Variants in PTPRT observed in about 807,000 individuals in gnomAD.
PTPRT encodes the protein protein tyrosine phosphatase receptor type T.
Under a neutral mutation model 176.8 loss-of-function variants are expected in PTPRT, and 56 were observed. The ratio of observed to expected loss-of-function variants is 0.32; its 90% confidence interval spans 0.26 to 0.40. PTPRT has a LOEUF of 0.40. Ranked by LOEUF, PTPRT falls within the 10% of genes least tolerant of loss-of-function variation. PTPRT has a pLI of 1.00. For missense variants in PTPRT, 1,540 were observed against 1,908.2 expected (o/e 0.81, Z 3.60); for synonymous variants, 783 against 739.0 (o/e 1.06, Z -0.96).
chr20:42,744,307 C>T (rs1044258986), intron 6 of PTPRT, among the ~76,000 whole-genome samples: 10 of 152,278 alleles, frequency 6.6e-5, no homozygotes, highest in African/African-American at 2.4e-5. Context: ...ACAATTTTTG[C>T]CCTCATGTAT....
chr20:42,189,024 C>T (rs1398175416), intron 16 of PTPRT, among the ~76,000 whole-genome samples: 4 of 152,194 alleles, frequency 2.6e-5, no homozygotes, highest in African/African-American at 4.8e-5. Flanking sequence ...ACACTGGGAT[C>T]ACTCCAATTC....
intron 2 of PTPRT, among the ~76,000 whole-genome samples, chr20:42,834,741 A>T (rs1190992018): frequency 1.3e-5 from 2 of 152,094 alleles, no homozygotes; most frequent in Non-Finnish European, 2.9e-5. Flanking sequence ...GGAGGGCTGA[A>T]TCTCTTCTGT....
intron 13 of PTPRT, among the ~76,000 whole-genome samples, chr20:42,255,174 A>G (rs535407091): frequency 6.6e-6 from 1 of 152,308 alleles, no homozygotes; most frequent in South Asian, 2.1e-4. Flanking sequence ...AGTCAAAAGC[A>G]TTGGGTTTCA....
chr20:42,503,290 C>T (rs560139308), intron 7 of PTPRT, among the ~76,000 whole-genome samples: 1 of 151,880 alleles, frequency 6.6e-6, no homozygotes, highest in African/African-American at 2.4e-5. Flanking sequence ...TTTGGATATT[C>T]TTCATTACTG....
chr20:42,697,528 A>G (rs947873328), intron 6 of PTPRT, among the ~76,000 whole-genome samples: 1 of 152,258 alleles, frequency 6.6e-6, no homozygotes, highest in Non-Finnish European at 1.5e-5. Flanking sequence ...ATGTTTGCAC[A>G]CATGGAACTC....
chr20:42,474,118 A>G (rs1370034663), intron 7 of PTPRT, among the ~76,000 whole-genome samples: 3 of 152,174 alleles, frequency 2.0e-5, no homozygotes, highest in Non-Finnish European at 4.4e-5. Flanking sequence ...TAGTAATAAT[A>G]TATATGTAAT....
chr20:42,281,559 T>A (rs916466705), intron 13 of PTPRT, among the ~76,000 whole-genome samples: 10 of 152,202 alleles, frequency 6.6e-5, no homozygotes, highest in African/African-American at 2.4e-4. Flanking sequence ...CTGTGTGGTT[T>A]TGTCGTTGTG....
intron 11 of PTPRT, among the ~76,000 whole-genome samples, chr20:42,336,434 G>C (rs1009937289): frequency 1.6e-4 from 24 of 152,122 alleles, no homozygotes; most frequent in African/African-American, 4.8e-4. Context: ...ACTGGGGGAG[G>C]GGGGGTTGTA....
chr20:42,144,414 T>G (rs1242032280), intron 17 of PTPRT, among the ~76,000 whole-genome samples: 2 of 151,846 alleles, frequency 1.3e-5, no homozygotes, highest in African/African-American at 4.8e-5. Flanking sequence ...TGATGTTGAA[T>G]AGGAAGTTGG....
intron 16 of PTPRT, among the ~76,000 whole-genome samples, chr20:42,177,817 TTCTG>T (rs1419077428): frequency 6.6e-6 from 1 of 151,976 alleles, no homozygotes; most frequent in African/African-American, 2.4e-5. Context: ...GTAAAGATCT[TTCTG>T]TCTGTCTGTC....
At chr20:42,414,071 A>G (rs954037816) in intron 9 of PTPRT, among the ~76,000 whole-genome samples, 6 of 152,146 alleles carry the variant, frequency 3.9e-5, no homozygotes, top group Non-Finnish European at 8.8e-5. Context: ...ACCTCAGGTG[A>G]TCAGCCCGCC....
At chr20:42,651,439 T>C (rs1455064073) in intron 7 of PTPRT, among the ~76,000 whole-genome samples, 1 of 152,220 alleles carries the variant, frequency 6.6e-6, no homozygotes, top group East Asian at 1.9e-4. Flanking sequence ...TTCAAATCTA[T>C]GAGCTAGTCA....
chr20:42,864,522 G>T (rs542485783), intron 2 of PTPRT, among the ~76,000 whole-genome samples: 4 of 152,312 alleles, frequency 2.6e-5, no homozygotes, highest in South Asian at 4.1e-4. Flanking sequence ...TTTGTTCTGT[G>T]TGTTCTCAAA....
At chr20:42,093,460 T>C (rs373229750) in intron 27 of PTPRT, among the ~76,000 whole-genome samples, 1 of 90,692 alleles carries the variant, frequency 1.1e-5, no homozygotes, top group East Asian at 3.3e-4. Context: ...CAGCAACCAC[T>C]GCAGGAATGA....
chr20:42,696,361 T>C (rs529409471), intron 6 of PTPRT, among the ~76,000 whole-genome samples: 1 of 151,644 alleles, frequency 6.6e-6, no homozygotes, highest in Admixed American at 6.6e-5. Flanking sequence ...TTTCTCTGTT[T>C]CCTCTCTCTG....
chr20:42,034,518 C>T, the PTPRT span, among the ~76,000 whole-genome samples: 1 of 152,154 alleles, frequency 6.6e-6, no homozygotes, highest in Admixed American at 6.5e-5. Flanking sequence ...GTCCTAATAC[C>T]TAAAGATTGA....
At chr20:42,546,711 A>G (rs770139725) in intron 7 of PTPRT, among the ~76,000 whole-genome samples, 1 of 152,140 alleles carries the variant, frequency 6.6e-6, no homozygotes, top group African/African-American at 2.4e-5. Flanking sequence ...CTTAGAAGCC[A>G]TCGTAGGGTA....
chr20:42,557,916 T>C (rs4812607), intron 7 of PTPRT, among the ~76,000 whole-genome samples: 81,667 of 151,864 alleles, frequency 0.54, 22,324 homozygotes, highest in African/African-American at 0.64. Flanking sequence ...CAAATAGAAA[T>C]ATTCTTTCAG....
At chr20:42,332,574 C>A (rs1280684502) in intron 11 of PTPRT, among the ~76,000 whole-genome samples, 3 of 152,064 alleles carry the variant, frequency 2.0e-5, no homozygotes, top group East Asian at 3.9e-4. Flanking sequence ...TCATGAGGTA[C>A]CTTTTTGTTA....
Sources: allele counts gnomAD v4.1 joint callset (sites outside exome capture counted in the v4.1 genomes callset), GRCh38; gene constraint gnomAD v4.1.1; transcripts MANE v1.5; gene names NCBI Gene and HGNC (gene_info 2026-07-23, HGNC 2026-07-21).